Variants in CEP63 observed in about 807,000 individuals in gnomAD.
The protein encoded by CEP63 is centrosomal protein of 63 kDa.
Under a neutral mutation model 89.1 loss-of-function variants are expected in CEP63, and 84 were observed. The ratio of observed to expected loss-of-function variants is 0.94; its 90% CI spans 0.79 to 1.13. CEP63 has a LOEUF of 1.13. CEP63 is among the 50% of genes most tolerant of loss of function. The pLI is 0.00. For synonymous variants in CEP63, 267 were observed against 272.5 expected, an observed-to-expected ratio of 0.98 and a Z score of 0.20; for missense variants, 838 against 813.3, an observed-to-expected ratio of 1.03 and a Z score of -0.37.
chr3:134,744,326 G>T, the CEP63 span, among the ~76,000 whole-genome samples: 1 of 152,174 alleles, frequency 6.6e-6, no homozygotes, highest in African/African-American at 2.4e-5. Context: ...GGCTATACCT[G>T]AACACAGCCC....
intron 2 of CEP63, among the ~76,000 whole-genome samples, chr3:134,504,383 A>G (rs1295277057): frequency 1.3e-5 from 2 of 151,868 alleles, no homozygotes; most frequent in Admixed American, 6.6e-5. Context: ...CACCAGTTTT[A>G]TTTGTTTTCT....
At position 134,531,826 on chromosome 3, in the gene CEP63, A is replaced by G; in HGVS notation, c.223-19A>G. On this transcript the variant is annotated intron_variant, in intron 3 of 14. Transcript: ENST00000675561. Reference sequence around the variant, plus strand: ...TTCAATGCTAATAGTGAAAAATACTACCACCTTTCTGCTTTTAGGTTGGAA... The same window carrying G: ...TTCAATGCTAATAGTGAAAAATACTGCCACCTTTCTGCTTTTAGGTTGGAA... 6.4e-7 allele frequency: 1 copy of G among 1,564,530 alleles called. No individual in the cohort carries two copies. Among genetic ancestry groups the G allele is most frequent in the South Asian group, 1.1e-5 (1 of 90,010 alleles).
chr3:134,488,558 G>A (rs970622967), intron 1 of CEP63, among the ~76,000 whole-genome samples: 2 of 151,294 alleles, frequency 1.3e-5, no homozygotes, highest in African/African-American at 2.4e-5. Context: ...GCAGTGAGCC[G>A]AGATCACACC....
At chr3:134,758,963 C>T in the CEP63 span, among the ~76,000 whole-genome samples, 13 of 152,146 alleles carry the variant, frequency 8.5e-5, no homozygotes, top group South Asian at 8.3e-4. Flanking sequence ...GATGTAATCA[C>T]GAGGGTCCTT....
chr3:134,748,644 A>T, the CEP63 span, among the ~76,000 whole-genome samples: 137 of 152,254 alleles, frequency 9.0e-4, 1 homozygote, highest in Non-Finnish European at 1.5e-3. Flanking sequence ...CAGTAAAAAG[A>T]AGCCCCCATG....
chr3:134,487,757 C>T (rs985714077), intron 1 of CEP63, among the ~76,000 whole-genome samples: 3 of 152,228 alleles, frequency 2.0e-5, no homozygotes, highest in Admixed American at 1.3e-4. Flanking sequence ...TCTCTAATGT[C>T]AATATCCAGT....
At chr3:134,694,537 C>G in the CEP63 span, among the ~76,000 whole-genome samples, 3 of 152,206 alleles carry the variant, frequency 2.0e-5, no homozygotes, top group Non-Finnish European at 2.9e-5. Flanking sequence ...GAATGTTTGT[C>G]TGTGCCTGGG....
At chr3:134,609,439 G>A in the CEP63 span, among the ~76,000 whole-genome samples, 4 of 152,172 alleles carry the variant, frequency 2.6e-5, no homozygotes, top group Non-Finnish European at 5.9e-5. Context: ...CGAGCCCTGC[G>A]TGTAGGATGT....
the CEP63 span, chr3:134,650,985 G>A: frequency 1.9e-6 from 3 of 1,612,670 alleles, no homozygotes; most frequent in Non-Finnish European, 2.5e-6. Context: ...TCCGACCTGG[G>A]CGCCGCGGCC....
the CEP63 span, among the ~76,000 whole-genome samples, chr3:134,659,126 G>A: frequency 6.6e-6 from 1 of 152,114 alleles, no homozygotes. Context: ...CCTTTGCTGG[G>A]GAGGGAGATG....
At chr3:134,746,054 A>ATCTT in the CEP63 span, among the ~76,000 whole-genome samples, 2 of 144,274 alleles carry the variant, frequency 1.4e-5, no homozygotes, top group South Asian at 2.2e-4. Context: ...TCCTAATGCT[A>ATCTT]TCCCTCCTCC....
chr3:134,566,743 A>C (rs1214736111), downstream of CEP63, among the ~76,000 whole-genome samples: 1 of 152,164 alleles, frequency 6.6e-6, no homozygotes, highest in Admixed American at 6.5e-5. Context: ...ATACCATTAC[A>C]CATCCACTAT....
Position 134,549,193 on chromosome 3 carries a change from C to A in CEP63, c.1182+17C>A. On this transcript the variant is annotated intron_variant, in intron 10 of 14. Coordinates refer to ENST00000675561, the MANE Select transcript of CEP63 (RefSeq NM_001353108.3). ...ATTAAGAAGGTAAAAATCTGCATAC[C>A]TAGGATTGCAAAATTGTATGTGTTT... 6.9e-7 allele frequency: 1 copy of A among 1,453,448 alleles called. No individual in the cohort carries two copies. Among genetic ancestry groups the A allele is most frequent in the Non-Finnish European group, 9.7e-7 (1 of 1,033,866 alleles). 90.0% of individuals were successfully genotyped at this position (1,453,448 alleles called of 1,614,324 possible). A position where few individuals can be genotyped will look rare whatever the true frequency, so the allele number is the denominator to read the frequency against.
chr3:134,488,555 G>T (rs1436544608), intron 1 of CEP63, among the ~76,000 whole-genome samples: 2 of 150,592 alleles, frequency 1.3e-5, no homozygotes, highest in South Asian at 2.1e-4. Context: ...GTTGCAGTGA[G>T]CCGAGATCAC....
chr3:134,582,849 T>C (rs533627201), intron 10 of CEP63, among the ~76,000 whole-genome samples: 3 of 152,330 alleles, frequency 2.0e-5, no homozygotes, highest in South Asian at 4.1e-4. Context: ...TGTTGTTTCC[T>C]GACTTTTTAA....
At chr3:134,634,756 A>G in the CEP63 span, among the ~76,000 whole-genome samples, 1 of 152,196 alleles carries the variant, frequency 6.6e-6, no homozygotes, top group Non-Finnish European at 1.5e-5. Flanking sequence ...TCGCATAGAG[A>G]GGGCCAACTT....
chr3:134,604,969 A>ACTGT, the CEP63 span, among the ~76,000 whole-genome samples: 5 of 152,054 alleles, frequency 3.3e-5, no homozygotes, highest in African/African-American at 1.2e-4. Flanking sequence ...ACTCCCTGAG[A>ACTGT]CTGTGCATAG....
At chr3:134,610,551 G>A in the CEP63 span, 2,944 of 613,332 alleles carry the variant, frequency 4.8e-3, 127 homozygotes, top group South Asian at 0.057. Flanking sequence ...CTTTTATCTC[G>A]GGGCACTGGG....
chr3:134,760,415 T>C, the CEP63 span, among the ~76,000 whole-genome samples: 1 of 152,218 alleles, frequency 6.6e-6, no homozygotes, highest in African/African-American at 2.4e-5. Flanking sequence ...AAGGGACCTT[T>C]ATCTCCATTC....
Sources: allele counts gnomAD v4.1 joint callset (sites outside exome capture counted in the v4.1 genomes callset), GRCh38; gene constraint gnomAD v4.1.1; transcripts MANE v1.5; gene names NCBI Gene and HGNC (gene_info 2026-07-23, HGNC 2026-07-21).